The following FBXL7 variants were observed in gnomAD, a reference collection of about 807,000 sequenced individuals.
The protein encoded by FBXL7 is F-box/LRR-repeat protein 7.
A neutral mutation model predicts 38.3 loss-of-function variants in FBXL7; 12 were observed. The ratio of observed to expected loss-of-function variants is 0.31; its 90% CI spans 0.20 to 0.51. The LOEUF (loss-of-function observed/expected upper bound fraction) is 0.51, where lower values mean the gene tolerates loss of function less well. Among genes scored for constraint, FBXL7 ranks in the 20% least tolerant of loss-of-function variants. The probability of loss-of-function intolerance (pLI) is 0.98; values close to 1 mark genes in which losing one functional copy is unlikely to be tolerated. For synonymous variants in FBXL7, 297 were observed against 300.9 expected (o/e 0.99, Z 0.13); for missense variants, 567 against 676.4 (o/e 0.84, Z 1.79).
At chr5:15,708,331 G>A (rs1001608379) in intron 2 of FBXL7, among the ~76,000 whole-genome samples, 10 of 152,200 alleles carry the variant, frequency 6.6e-5, no homozygotes, top group African/African-American at 1.7e-4. Flanking sequence ...TTCCCATTTC[G>A]AATCTCATTG....
chr5:15,533,919 C>T (rs1220520364), intron 1 of FBXL7, among the ~76,000 whole-genome samples: 3 of 152,078 alleles, frequency 2.0e-5, no homozygotes, highest in African/African-American at 7.2e-5. Context: ...CAAAACATTC[C>T]TAGTTAAAGT....
chr5:15,574,154 T>G (rs905878269), intron 1 of FBXL7, among the ~76,000 whole-genome samples: 6 of 152,222 alleles, frequency 3.9e-5, no homozygotes, highest in African/African-American at 1.4e-4. Flanking sequence ...GTGCAAAATC[T>G]GTAATAATAT....
At chr5:15,522,649 A>C (rs1201436682) in intron 1 of FBXL7, among the ~76,000 whole-genome samples, 1 of 152,228 alleles carries the variant, frequency 6.6e-6, no homozygotes, top group Non-Finnish European at 1.5e-5. Flanking sequence ...GCTGTGTTGC[A>C]TTGATCTCTT....
chr5:15,914,169 G>C (rs1238457669), intron 2 of FBXL7, among the ~76,000 whole-genome samples: 2 of 152,028 alleles, frequency 1.3e-5, no homozygotes, highest in African/African-American at 2.4e-5. Flanking sequence ...GGCGGATCTC[G>C]AGGTCAGGTG....
chr5:15,827,450 A>G (rs1470655754), intron 2 of FBXL7, among the ~76,000 whole-genome samples: 1 of 152,218 alleles, frequency 6.6e-6, no homozygotes, highest in East Asian at 1.9e-4. Context: ...TTGTTCTTCT[A>G]TAACAGAATG....
At chr5:15,658,565 A>G (rs1741954185) in intron 2 of FBXL7, among the ~76,000 whole-genome samples, 2 of 152,150 alleles carry the variant, frequency 1.3e-5, no homozygotes, top group Non-Finnish European at 2.9e-5. Context: ...GAAAGGCTTT[A>G]TTCAGCTGGG....
At chr5:15,827,437 A>T (rs1423576102) in intron 2 of FBXL7, among the ~76,000 whole-genome samples, 1 of 152,110 alleles carries the variant, frequency 6.6e-6, no homozygotes, top group Non-Finnish European at 1.5e-5. Flanking sequence ...GTTTTAGTTG[A>T]CTTTGTTCTT....
chr5:15,703,561 A>C (rs932673926), intron 2 of FBXL7, among the ~76,000 whole-genome samples: 7 of 152,336 alleles, frequency 4.6e-5, no homozygotes, highest in East Asian at 3.9e-4. Context: ...ATCTGAAAAT[A>C]AAATTAATTT....
Position 15,823,242 on chromosome 5 carries a change from T to C in FBXL7, c.128-104648T>C, listed in dbSNP as rs375561246. Among the ~76,000 whole-genome samples, 83 of 152,316 alleles carry C rather than the reference T, an allele frequency of 5.4e-4. No homozygotes were observed. In the East Asian group the frequency reaches 0.012, roughly 21 times the overall value. The stretch of plus-strand genomic sequence containing the variant: ...ACACATGTACATTATAACCAGACAC[T>C]CCACTGAGTCCAATGTGTGTCAACA... On this transcript the variant is annotated intron_variant, in intron 2 of 3. Transcript: ENST00000504595.
intron 2 of FBXL7, among the ~76,000 whole-genome samples, chr5:15,725,136 C>T (rs954934356): frequency 1.3e-5 from 2 of 152,184 alleles, no homozygotes; most frequent in African/African-American, 4.8e-5. Flanking sequence ...TCCATTTTAT[C>T]TCTGTTTTAA....
At chr5:15,576,316 T>A (rs1439409821) in intron 1 of FBXL7, among the ~76,000 whole-genome samples, 2 of 151,978 alleles carry the variant, frequency 1.3e-5, no homozygotes, top group Non-Finnish European at 2.9e-5. Context: ...ACTCCTGACC[T>A]CAGGTGATCC....
intron 1 of FBXL7, among the ~76,000 whole-genome samples, chr5:15,563,662 C>T (rs1392183095): frequency 6.6e-6 from 1 of 152,078 alleles, no homozygotes; most frequent in Non-Finnish European, 1.5e-5. Context: ...CCAGCTTCCT[C>T]TATGGAGTCA....
At chr5:15,819,554 T>C (rs1185634135) in intron 2 of FBXL7, among the ~76,000 whole-genome samples, 1 of 152,206 alleles carries the variant, frequency 6.6e-6, no homozygotes, top group Non-Finnish European at 1.5e-5. Context: ...CTTTTTTCTG[T>C]TCCCTTTGAA....
chr5:15,935,734 G>T (rs1215132151), intron 3 of FBXL7, among the ~76,000 whole-genome samples: 1 of 152,202 alleles, frequency 6.6e-6, no homozygotes, highest in Non-Finnish European at 1.5e-5. Flanking sequence ...TTGACAGAAG[G>T]TCACCTTGCT....
chr5:15,822,651 C>T (rs1002038443), intron 2 of FBXL7, among the ~76,000 whole-genome samples: 12 of 121,448 alleles, frequency 9.9e-5, no homozygotes, highest in African/African-American at 1.7e-4. Context: ...TCTTGCAGGG[C>T]GTTAAGGTTA....
rs577348671 is a variant in FBXL7 at position 15,515,206 on chromosome 5, G to T, written c.37+14493G>T. ...AGCCATTCTTAAAGGGGAGCCTTCA[G>T]CTGACAGTTAAGAGATATGCACTGG... On this transcript the variant is annotated intron_variant, in intron 1 of 3. Coordinates refer to ENST00000504595, the MANE Select transcript of FBXL7 (RefSeq NM_012304.5). Among the ~76,000 whole-genome samples, 7 of 152,320 alleles carry T rather than the reference G, an allele frequency of 4.6e-5. 1 individual carries two copies. The South Asian group carries it at 1.4e-3, about 32-fold the overall frequency.
chr5:15,791,964 T>A (rs933374879), intron 2 of FBXL7, among the ~76,000 whole-genome samples: 1 of 152,078 alleles, frequency 6.6e-6, no homozygotes, highest in East Asian at 1.9e-4. Flanking sequence ...CCCAAGAGTG[T>A]CCCGTGAAAA....
chr5:15,645,920 C>T (rs1741516706), intron 2 of FBXL7, among the ~76,000 whole-genome samples: 1 of 152,208 alleles, frequency 6.6e-6, no homozygotes, highest in Admixed American at 6.5e-5. Flanking sequence ...TGAGAGCTTG[C>T]TCTCTGTTCT....
At chr5:15,648,166 T>C (rs1741593637) in intron 2 of FBXL7, among the ~76,000 whole-genome samples, 1 of 152,260 alleles carries the variant, frequency 6.6e-6, no homozygotes, top group Non-Finnish European at 1.5e-5. Context: ...TTGTCTTGAG[T>C]ACACATTGAA....
Sources: allele counts gnomAD v4.1 joint callset (sites outside exome capture counted in the v4.1 genomes callset), GRCh38; gene constraint gnomAD v4.1.1; transcripts MANE v1.5; gene names NCBI Gene and HGNC (gene_info 2026-07-23, HGNC 2026-07-21).